DPYD: variants seen among roughly 807,000 people sequenced by gnomAD.
The protein encoded by DPYD is dihydropyrimidine dehydrogenase, also known as dihydropyrimidine dehydrogenase [NADP(+)].
In DPYD, 109 loss-of-function variants were observed where a neutral mutation model predicts 116.2. That is an observed-to-expected ratio of 0.94 (90% CI 0.80 to 1.10). The LOEUF (loss-of-function observed/expected upper bound fraction) is 1.10. Ranked by LOEUF, DPYD falls within the 50% of genes least tolerant of loss-of-function variation. The pLI, the probability that DPYD is intolerant of heterozygous loss-of-function variation, is 0.00. For synonymous variants in DPYD, 440 were observed against 432.0 expected, an observed-to-expected ratio of 1.02 and a Z score of -0.23; for missense variants, 1,302 against 1,254.5, an observed-to-expected ratio of 1.04 and a Z score of -0.57.
chr1:97,882,472 G>A (rs1672277637), intron 2 of DPYD, among the ~76,000 whole-genome samples: 1 of 151,920 alleles, frequency 6.6e-6, no homozygotes, highest in Non-Finnish European at 1.5e-5. Context: ...GTATATACAC[G>A]GTTCCAATTG....
rs557897367 is a variant in DPYD at position 97,793,934 on chromosome 1, G to GGTTT, written c.233+34176_233+34179dup. On this transcript the variant is annotated intron_variant, in intron 3 of 22. Transcript: ENST00000370192. ...GGTTGTTGTGTTTGTTTGTTTGTTT[G>GGTTT]GTTTGTTTGTTTGTTTGTTTGAGAC... Among the ~76,000 whole-genome samples, 1,465 of 152,020 alleles carry GGTTT rather than the reference G, an allele frequency of 9.6e-3. 12 individuals carry two copies. Among genetic ancestry groups the GGTTT allele is most frequent in the Non-Finnish European group, 0.016 (1,100 of 67,960 alleles).
At chr1:97,259,674 A>C (rs1258583309) in intron 18 of DPYD, among the ~76,000 whole-genome samples, 1 of 152,172 alleles carries the variant, frequency 6.6e-6, no homozygotes, top group East Asian at 1.9e-4. Context: ...AAGACTGGTG[A>C]GTGAAAACTG....
intron 2 of DPYD, among the ~76,000 whole-genome samples, chr1:97,877,904 CA>C (rs1355092717): frequency 6.6e-6 from 1 of 151,966 alleles, no homozygotes; most frequent in Non-Finnish European, 1.5e-5. Context: ...AAGTGGATTT[CA>C]TCTCTTAATA....
chr1:97,849,168 C>T (rs575679752), intron 2 of DPYD, among the ~76,000 whole-genome samples: 6 of 152,140 alleles, frequency 3.9e-5, no homozygotes, highest in African/African-American at 1.4e-4. Flanking sequence ...TTATGCAAAA[C>T]ATTTGCATAT....
intron 11 of DPYD, among the ~76,000 whole-genome samples, chr1:97,555,478 T>C (rs1314353713): frequency 6.6e-6 from 1 of 152,136 alleles, no homozygotes; most frequent in African/African-American, 2.4e-5. Context: ...AAGCTTCCCC[T>C]GGGCCTTCCC....
At chr1:97,391,591 A>G (rs1421470748) in intron 14 of DPYD, among the ~76,000 whole-genome samples, 2 of 152,004 alleles carry the variant, frequency 1.3e-5, no homozygotes, top group East Asian at 1.9e-4. Flanking sequence ...TTTGAGAAGT[A>G]CTGCTCTAGT....
intron 3 of DPYD, among the ~76,000 whole-genome samples, chr1:97,772,674 A>G (rs1196814757): frequency 6.6e-6 from 1 of 152,198 alleles, no homozygotes; most frequent in Non-Finnish European, 1.5e-5. Context: ...CATATTCAGT[A>G]TAGAAGAATC....
At chr1:97,915,019 T>A (rs1006825561) in intron 1 of DPYD, among the ~76,000 whole-genome samples, 4 of 152,166 alleles carry the variant, frequency 2.6e-5, no homozygotes, top group Admixed American at 6.5e-5. Context: ...GACGCAGTAA[T>A]AACATTTAAA....
chr1:97,434,859 A>G (rs965396738), intron 14 of DPYD, among the ~76,000 whole-genome samples: 6 of 152,008 alleles, frequency 3.9e-5, no homozygotes, highest in Non-Finnish European at 8.8e-5. Flanking sequence ...CTATTTAAAA[A>G]CTATCCATAG....
At chr1:97,765,034 A>T (rs1421029192) in intron 3 of DPYD, among the ~76,000 whole-genome samples, 2 of 152,182 alleles carry the variant, frequency 1.3e-5, no homozygotes, top group Non-Finnish European at 2.9e-5. Flanking sequence ...CTACCAGGCC[A>T]ATCTTCTTTA....
intron 21 of DPYD, among the ~76,000 whole-genome samples, chr1:97,097,616 A>G (rs1348897591): frequency 6.6e-6 from 1 of 152,130 alleles, no homozygotes; most frequent in Non-Finnish European, 1.5e-5. Flanking sequence ...GGGTGACAGA[A>G]AAAAAGAAGG....
At chr1:97,445,930 T>C (rs1175745601) in intron 14 of DPYD, among the ~76,000 whole-genome samples, 1 of 152,138 alleles carries the variant, frequency 6.6e-6, no homozygotes, top group Non-Finnish European at 1.5e-5. Context: ...TTTCACCATG[T>C]TGGTCAGGCT....
At chr1:97,646,948 T>C (rs914286144) in intron 8 of DPYD, among the ~76,000 whole-genome samples, 4 of 152,088 alleles carry the variant, frequency 2.6e-5, no homozygotes, top group Admixed American at 6.6e-5. Context: ...CTCACCAGCA[T>C]TGCTCATCTC....
In DPYD at chr1:97,530,952, T is replaced by A. The variant is rs549993309; in HGVS notation, c.1525-15011A>T. Among the ~76,000 whole-genome samples, 8 of 152,348 alleles carry A rather than the reference T, an allele frequency of 5.3e-5. No homozygotes were observed. In the South Asian group the frequency reaches 1.7e-3, roughly 32 times the overall value. On this transcript the variant is annotated intron_variant, in intron 12 of 22. Transcript: ENST00000370192. Reference sequence around the variant, plus strand: ...TCTATTCAAGTCCCTTGCTAATTTTTAAAATTGGACTATTTAAATATTTTG... The same window carrying A: ...TCTATTCAAGTCCCTTGCTAATTTTAAAAATTGGACTATTTAAATATTTTG...
intron 1 of DPYD, among the ~76,000 whole-genome samples, chr1:97,891,845 T>C (rs1017552196): frequency 6.6e-6 from 1 of 151,932 alleles, no homozygotes; most frequent in East Asian, 1.9e-4. Flanking sequence ...TAGTGTACCA[T>C]TAAGCTTCCT....
At chr1:97,782,815 C>G (rs4970715) in intron 3 of DPYD, among the ~76,000 whole-genome samples, 150,310 of 152,304 alleles carry the variant, frequency 0.99, 74,199 homozygotes, top group Middle Eastern at 1. Context: ...AATGGTCAAA[C>G]TCCTTTGTTA....
intron 1 of DPYD, among the ~76,000 whole-genome samples, chr1:97,902,577 T>A (rs1673420015): frequency 6.6e-6 from 1 of 151,806 alleles, no homozygotes; most frequent in South Asian, 2.1e-4. Flanking sequence ...ATGTTATTCA[T>A]CTCAAAGATA....
intron 18 of DPYD, among the ~76,000 whole-genome samples, chr1:97,268,195 G>A (rs1434050381): frequency 2.0e-5 from 3 of 152,158 alleles, no homozygotes; most frequent in African/African-American, 7.2e-5. Flanking sequence ...TGGGCCCCTA[G>A]GGATTGGGCA....
chr1:97,632,823 G>A (rs535311982), intron 8 of DPYD, among the ~76,000 whole-genome samples: 2 of 152,198 alleles, frequency 1.3e-5, no homozygotes, highest in East Asian at 3.9e-4. Context: ...AAGACTAAAA[G>A]ATGGGTTTTT....
Sources: allele counts gnomAD v4.1 joint callset (sites outside exome capture counted in the v4.1 genomes callset), GRCh38; gene constraint gnomAD v4.1.1; transcripts MANE v1.5; gene names NCBI Gene and HGNC (gene_info 2026-07-23, HGNC 2026-07-21).